SLIT3: variants seen among roughly 807,000 people sequenced by gnomAD.
SLIT3 encodes slit guidance ligand 3.
Under a neutral mutation model 184.0 loss-of-function variants are expected in SLIT3, and 68 were observed. The observed-to-expected ratio is 0.37, with a 90% CI of 0.30 to 0.45. SLIT3 has a LOEUF of 0.45. Ranked by LOEUF, SLIT3 falls within the 20% of genes least tolerant of loss-of-function variation. The probability of loss-of-function intolerance (pLI) is 1.00; values close to 1 mark genes in which losing one functional copy is unlikely to be tolerated. For synonymous variants in SLIT3, 831 were observed against 828.6 expected, an observed-to-expected ratio of 1.00 and a Z score of -0.05; for missense variants, 1,707 against 2,026.0, an observed-to-expected ratio of 0.84 and a Z score of 3.02.
chr5:168,668,486 A>T (rs1247584751), intron 35 of SLIT3, among the ~76,000 whole-genome samples: 2 of 152,214 alleles, frequency 1.3e-5, no homozygotes, highest in Non-Finnish European at 2.9e-5. Context: ...CAGACTGCTC[A>T]TGTGTTCTCC....
chr5:169,190,131 T>C (rs966458942), intron 4 of SLIT3, among the ~76,000 whole-genome samples: 3 of 152,204 alleles, frequency 2.0e-5, no homozygotes, highest in African/African-American at 7.2e-5. Context: ...ATTAGCAACA[T>C]TGATTGGCTG....
chr5:169,279,507 C>T (rs1766926201), intron 1 of SLIT3, among the ~76,000 whole-genome samples: 1 of 152,174 alleles, frequency 6.6e-6, no homozygotes, highest in Admixed American at 6.5e-5. Context: ...CTGTGACTTA[C>T]ATATATTCCA....
chr5:169,125,746 G>C (rs772739420), intron 4 of SLIT3, among the ~76,000 whole-genome samples: 1 of 152,190 alleles, frequency 6.6e-6, no homozygotes, highest in African/African-American at 2.4e-5. Context: ...GGAAAAGAAC[G>C]TGACTGCCAT....
At position 168,739,312 on chromosome 5, in the gene SLIT3, A is replaced by G. The variant is rs907801782; in HGVS notation, c.2270+8990T>C. On this transcript the variant is annotated intron_variant, in intron 20 of 35. Coordinates refer to ENST00000519560, the MANE Select transcript of SLIT3 (RefSeq NM_003062.4). ...TGGTACAAGTGCAGTTCCACACTAC[A>G]ACTAGCCTTTAAGAAAATGCCACTT... 5.3e-5 allele frequency among the ~76,000 whole-genome samples: 8 copies of G among 152,206 alleles called. No individual in the cohort carries two copies. The South Asian group carries it at 1.4e-3, about 28-fold the overall frequency.
At chr5:169,234,484 T>A (rs35298584) in intron 3 of SLIT3, among the ~76,000 whole-genome samples, 4 of 151,950 alleles carry the variant, frequency 2.6e-5, no homozygotes, top group Non-Finnish European at 4.4e-5. Flanking sequence ...TTGGCTCACC[T>A]CAACCTCCAC....
chr5:169,213,165 A>G (rs1764323435), intron 3 of SLIT3, among the ~76,000 whole-genome samples: 1 of 152,158 alleles, frequency 6.6e-6, no homozygotes, highest in South Asian at 2.1e-4. Flanking sequence ...CTATACACCA[A>G]TAACAGACAA....
chr5:168,924,037 C>T (rs555613633), intron 4 of SLIT3, among the ~76,000 whole-genome samples: 1 of 152,214 alleles, frequency 6.6e-6, no homozygotes, highest in Non-Finnish European at 1.5e-5. Flanking sequence ...AATATCTGGT[C>T]CTTTACAGAA....
At chr5:168,931,561 G>C (rs1157212716) in intron 4 of SLIT3, among the ~76,000 whole-genome samples, 2 of 152,124 alleles carry the variant, frequency 1.3e-5, no homozygotes, top group East Asian at 1.9e-4. Flanking sequence ...TTAGAGATCT[G>C]ATCAAAGCTC....
intron 6 of SLIT3, among the ~76,000 whole-genome samples, chr5:168,825,630 C>T (rs1436220407): frequency 2.0e-5 from 3 of 152,210 alleles, no homozygotes; most frequent in Non-Finnish European, 2.9e-5. Flanking sequence ...GCCCACTTAG[C>T]GGTTTTGTTT....
At chr5:169,151,763 C>T (rs990450525) in intron 4 of SLIT3, among the ~76,000 whole-genome samples, 3 of 152,144 alleles carry the variant, frequency 2.0e-5, no homozygotes, top group South Asian at 2.1e-4. Context: ...CCTTCCTCAT[C>T]GAGTAAGTGG....
intron 4 of SLIT3, among the ~76,000 whole-genome samples, chr5:169,072,997 C>A (rs1758610018): frequency 6.6e-6 from 1 of 152,246 alleles, no homozygotes; most frequent in African/African-American, 2.4e-5. Context: ...GCCAGAGACT[C>A]ATCCAATAAT....
Position 168,831,060 on chromosome 5 carries a change from C to T in SLIT3, c.558-7729G>A, listed in dbSNP as rs528689984. ...ACAGTGAGGGAAGCAGGAGAGGCAA[C>T]GCAGGACAGAGGACAACTAGGTCCC... On this transcript the variant is annotated intron_variant, in intron 6 of 35. Coordinates refer to ENST00000519560, the MANE Select transcript of SLIT3 (RefSeq NM_003062.4). 1.5e-4 allele frequency among the ~76,000 whole-genome samples: 23 copies of T among 152,214 alleles called. 1 individual carries two copies. Among genetic ancestry groups the T allele is most frequent in the South Asian group, 6.2e-4 (3 of 4,820 alleles).
chr5:169,182,790 G>C (rs1213808831), intron 4 of SLIT3, among the ~76,000 whole-genome samples: 2 of 152,150 alleles, frequency 1.3e-5, no homozygotes, highest in African/African-American at 4.8e-5. Context: ...TAATTCCATG[G>C]ATAGTTTCTA....
intron 4 of SLIT3, among the ~76,000 whole-genome samples, chr5:169,135,979 G>A (rs908775740): frequency 3.3e-5 from 5 of 152,152 alleles, no homozygotes; most frequent in South Asian, 2.1e-4. Flanking sequence ...TCTATATCAC[G>A]GACACGGATA....
intron 9 of SLIT3, among the ~76,000 whole-genome samples, chr5:168,797,595 G>T (rs1756612943): frequency 6.6e-6 from 1 of 152,202 alleles, no homozygotes; most frequent in South Asian, 2.1e-4. Flanking sequence ...CAAGGAACAT[G>T]ATGTGACGCT....
chr5:168,857,890 G>A (rs1758954115), intron 5 of SLIT3, among the ~76,000 whole-genome samples: 1 of 152,196 alleles, frequency 6.6e-6, no homozygotes, highest in South Asian at 2.1e-4. Context: ...TCACGTAGGA[G>A]TTCTTAGGCG....
intron 4 of SLIT3, among the ~76,000 whole-genome samples, chr5:169,176,402 T>C (rs112709747): frequency 1.3e-5 from 2 of 152,170 alleles, no homozygotes; most frequent in Non-Finnish European, 2.9e-5. Context: ...GATTTTCTCT[T>C]CCGTCAAATG....
chr5:169,084,289 CTTT>C (rs537953841), intron 4 of SLIT3, among the ~76,000 whole-genome samples: 1 of 140,258 alleles, frequency 7.1e-6, no homozygotes. Context: ...TTTTTCTTTT[CTTT>C]TTTTTTTTTT....
chr5:169,250,772 G>T (rs772526587), intron 2 of SLIT3, among the ~76,000 whole-genome samples: 1 of 152,324 alleles, frequency 6.6e-6, no homozygotes, highest in African/African-American at 2.4e-5. Flanking sequence ...CTGTACCTCT[G>T]AATGTCTTAG....
Sources: allele counts gnomAD v4.1 joint callset (sites outside exome capture counted in the v4.1 genomes callset), GRCh38; gene constraint gnomAD v4.1.1; transcripts MANE v1.5; gene names NCBI Gene and HGNC (gene_info 2026-07-23, HGNC 2026-07-21).